The following KCNJ18 variants were observed in gnomAD, a reference collection of about 807,000 sequenced individuals.
The protein encoded by KCNJ18 is inward rectifier potassium channel 18.
Under a neutral mutation model 17.3 loss-of-function variants are expected in KCNJ18, and 16 were observed. The ratio of observed to expected loss-of-function variants is 0.92; its 90% CI spans 0.62 to 1.40. The LOEUF (loss-of-function observed/expected upper bound fraction) is 1.40. Among genes scored for constraint, KCNJ18 ranks in the 40% most tolerant of loss-of-function variants. The probability of loss-of-function intolerance (pLI) is 0.00; values close to 1 mark genes in which losing one functional copy is unlikely to be tolerated. For missense variants in KCNJ18, 462 were observed against 626.8 expected, an observed-to-expected ratio of 0.74 and a Z score of 2.81; for synonymous variants, 185 against 262.6, an observed-to-expected ratio of 0.70 and a Z score of 2.86.
At position 21,696,066 on chromosome 17, in the gene KCNJ18, C is replaced by A. The variant is rs1194433453; in HGVS notation, c.-95C>A. Reference sequence around the variant, plus strand: ...ATTCAGCCTTGAAGACAGTACCGTGCCTACTCAGCACCATTACGTAGAAGA... The same window carrying A: ...ATTCAGCCTTGAAGACAGTACCGTGACTACTCAGCACCATTACGTAGAAGA... On this transcript the variant is annotated 5_prime_UTR_variant, in exon 2 of 3. An upstream open reading frame in the 5' UTR gains an earlier in-frame stop. Transcript: ENST00000567955. 5.9e-5 allele frequency: 9 copies of A among 152,422 alleles called. No individual in the cohort carries two copies. The highest frequency in any genetic ancestry group is 2.2e-4 in the African/African-American group (9 of 41,596). 9.4% of individuals were successfully genotyped at this position (152,422 alleles called of 1,614,324 possible).
chr17:21,700,273 G>T (rs1255218172), intron 2 of KCNJ18, among the ~76,000 whole-genome samples: 1,385 of 109,524 alleles, frequency 0.013, no homozygotes, highest in South Asian at 0.063. Flanking sequence ...GGTGGGGGAC[G>T]GCGCTAGAGG....
chr17:21,699,861 T>C (rs1207706912), intron 2 of KCNJ18, among the ~76,000 whole-genome samples: 1 of 152,288 alleles, frequency 6.6e-6, no homozygotes, highest in African/African-American at 2.4e-5. Context: ...CAGACCGGGC[T>C]CTCTGGCCTT....
chr17:21,701,352 C>G (rs1261793007), intron 2 of KCNJ18, among the ~76,000 whole-genome samples: 1 of 152,424 alleles, frequency 6.6e-6, no homozygotes, highest in South Asian at 2.1e-4. Context: ...CAGGTGACAC[C>G]CCTGAGCACT....
At chr17:21,701,508 G>A (rs1488974684) in intron 2 of KCNJ18, among the ~76,000 whole-genome samples, 3 of 152,158 alleles carry the variant, frequency 2.0e-5, no homozygotes, top group Non-Finnish European at 4.4e-5. Context: ...TGGTGACCAA[G>A]AAGCTGCAAG....
rs1161121103 is a variant in KCNJ18 at position 21,702,797 on chromosome 17, C to T, written c.11C>T (p.Ala4Val). 5.4e-5 allele frequency: 86 copies of T among 1,589,440 alleles called. No homozygotes were observed. Among genetic ancestry groups the T allele is most frequent in the Admixed American group, 1.9e-4 (11 of 58,842 alleles). Residue 4 changes from alanine to valine, a missense_variant, in exon 3 of 3, where the codon GCC becomes GTC. Ala to Val is a moderately conservative substitution (Grantham distance 64, BLOSUM62 0). Coordinates refer to ENST00000567955, the MANE Select transcript of KCNJ18 (RefSeq NM_001194958.2). Reference protein sequence around the residue: MTAASRANPYSIVS... With the variant: MTAVSRANPYSIVS... ...CCCCCAACCCCCGGGATGACCGCGGCCAGCCGGGCCAACCCCTACAGCATC... is the reference window on the plus strand; with the variant it reads ...CCCCCAACCCCCGGGATGACCGCGGTCAGCCGGGCCAACCCCTACAGCATC...
At chr17:21,697,228 C>T (rs1196461536) in intron 2 of KCNJ18, among the ~76,000 whole-genome samples, 2 of 152,306 alleles carry the variant, frequency 1.3e-5, no homozygotes, top group East Asian at 3.8e-4. Context: ...TGGTAAGGGC[C>T]TAGGATATCA....
chr17:21,692,831 G>A (rs1347245940), intron 1 of KCNJ18, 117 bp downstream of exon 1: 25,691 of 139,312 alleles, frequency 0.18, no homozygotes, highest in African/African-American at 0.24. Context: ...CCGCTGGGGC[G>A]AGGCCCAGTG....
chr17:21,701,952 A>G (rs1331966576), intron 2 of KCNJ18, among the ~76,000 whole-genome samples: 13 of 152,228 alleles, frequency 8.5e-5, no homozygotes, highest in Non-Finnish European at 1.8e-4. Context: ...AAAAAAAAGA[A>G]AATGTGCTAC....
chr17:21,698,591 C>G (rs1193193845), intron 2 of KCNJ18, among the ~76,000 whole-genome samples: 5 of 152,058 alleles, frequency 3.3e-5, no homozygotes, highest in African/African-American at 1.2e-4. Context: ...CAGGCCTTGC[C>G]CTGGGCTCCT....
At position 21,699,824 on chromosome 17, in the gene KCNJ18, G is replaced by C. The variant is rs1256390477; in HGVS notation, c.-56-2907G>C. ...ACCAGTCTGGTAGCTGGCCAGTTTCGAGGCCGCCAGCTACTGGGAGCACAT... is the reference window on the plus strand; with the variant it reads ...ACCAGTCTGGTAGCTGGCCAGTTTCCAGGCCGCCAGCTACTGGGAGCACAT... On this transcript the variant is annotated intron_variant, in intron 2 of 2. Transcript: ENST00000567955. Among the ~76,000 whole-genome samples, 66 of 152,408 alleles carry C rather than the reference G, an allele frequency of 4.3e-4. No individual in the cohort carries two copies. The South Asian group carries it at 8.9e-3, about 21-fold the overall frequency.
chr17:21,703,900 G>A lies in KCNJ18; in HGVS notation c.1114G>A (p.Ala372Thr), dbSNP rs1323247798. 4.3e-6 allele frequency: 7 copies of A among 1,612,540 alleles called. No individual in the cohort carries two copies. The African/African-American group carries it at 8.0e-5, about 18-fold the overall frequency. The change falls in exon 3 of 3, where the codon GCC becomes ACC. Residue 372 changes from alanine (A) to threonine (T), a missense_variant. This residue lies in a region of KCNJ18 where 123 missense variants were observed against 117.5 expected (regional missense o/e 1.05). Coordinates refer to ENST00000567955, the MANE Select transcript of KCNJ18 (RefSeq NM_001194958.2). ...AGAGAACAAGTTCCTGCTGCCCAGTGCCAACTCCTTCTGCTATGAGAACGA... is the reference window on the plus strand; with the variant it reads ...AGAGAACAAGTTCCTGCTGCCCAGTACCAACTCCTTCTGCTATGAGAACGA... ...LVENKFLLPS[A>T]NSFCYENELA...
At position 21,703,270 on chromosome 17, in the gene KCNJ18, G is replaced by C; in HGVS notation, c.484G>C (p.Val162Leu). ...TEECLVAVFM[V>L]VAQSIVGCII... is the part of the protein sequence containing the mutation. The stretch of plus-strand genomic sequence containing the variant: ...GGAGTGCCTGGTGGCCGTCTTCATG[G>C]TGGTGGCCCAGTCCATCGTGGGCTG... Residue 162 changes from valine (V) to leucine (L), a missense_variant, in exon 3 of 3, where the codon GTG (valine) becomes CTG (leucine). Coordinates refer to ENST00000567955, the MANE Select transcript of KCNJ18 (RefSeq NM_001194958.2). The C allele has an allele frequency of 6.2e-7, 1 of 1,609,424 alleles. No individual in the cohort carries two copies. The highest frequency in any genetic ancestry group is 8.5e-7 in the Non-Finnish European group (1 of 1,177,694).
rs1212308259 is a variant in KCNJ18, at chr17:21,702,907, A to G, written c.121A>G (p.Arg41Gly). Residue 41 changes from arginine to glycine, a missense_variant, in exon 3 of 3, where the codon AGG (arginine) becomes GGG (glycine). Transcript: ENST00000567955. ...FGNGKVHTRR[R>G]CRNRFVKKNG... ...CAACGGCAAGGTGCACACGCGGCGC[A>G]GGTGCCGCAACCGCTTCGTCAAGAA... is the stretch of plus-strand genomic sequence containing the variant. The G allele has an allele frequency of 6.3e-6, 10 of 1,594,670 alleles. No homozygotes were observed. In the African/African-American group the frequency reaches 1.3e-4, roughly 21 times the overall value.
chr17:21,703,089 C>G lies in KCNJ18; in HGVS notation c.303C>G (p.Ile101Met), dbSNP rs1906024055. The change falls in exon 3 of 3, where the codon ATC (isoleucine) becomes ATG (methionine). Residue 101 changes from isoleucine (I) to methionine (M), a missense_variant. This residue lies in a region of KCNJ18 where 237 missense variants were observed against 259.4 expected (regional missense o/e 0.91). Coordinates refer to ENST00000567955, the MANE Select transcript of KCNJ18 (RefSeq NM_001194958.2). ...CCTCCTGGCTGCTGTTCGGCGTCAT[C>G]TTCTGGGTCATCGCGGTGGCACACG... is the stretch of plus-strand genomic sequence containing the variant. ...FLASWLLFGV[I>M]FWVIAVAHGD... 6.2e-7 allele frequency: 1 copy of G among 1,612,800 alleles called. No homozygotes were observed.
At chr17:21,702,585 G>A (rs1905996672) in intron 2 of KCNJ18, 146 bp from the exon 3 acceptor site, 3 of 734,938 alleles carry the variant, frequency 4.1e-6, no homozygotes, top group Non-Finnish European at 6.6e-6. Context: ...AAGGCGGAGT[G>A]GGGAGCTGGC....
rs1378027213 is a variant in KCNJ18 at position 21,696,522 on chromosome 17, A to G, written c.-57+418A>G. ...TCAGCTGCTTAGTCCTTCACCCTTC[A>G]TCTGGCTGGGATGCATTTCCTGGGT... On this transcript the variant is annotated intron_variant, in intron 2 of 2. Transcript: ENST00000567955. 1.0e-3 allele frequency among the ~76,000 whole-genome samples: 155 copies of G among 152,238 alleles called. 1 individual carries two copies. The highest frequency in any genetic ancestry group is 3.6e-3 in the African/African-American group (149 of 41,546).
chr17:21,703,251 C>A lies in KCNJ18; in HGVS notation c.465C>A (p.Cys155Ter). The A allele has an allele frequency of 6.2e-7, 1 of 1,610,370 alleles. No individual in the cohort carries two copies. ...GYGLRCVTEE[C>*]LVAVFMVVAQ... Reference sequence around the variant, plus strand: ...GGCTGCGCTGTGTGACGGAGGAGTGCCTGGTGGCCGTCTTCATGGTGGTGG... The same window carrying A: ...GGCTGCGCTGTGTGACGGAGGAGTGACTGGTGGCCGTCTTCATGGTGGTGG... Residue 155 changes from cysteine (C) to a stop codon, truncating the protein, a stop_gained, in exon 3 of 3, where the codon TGC becomes TGA. Coordinates refer to ENST00000567955, the MANE Select transcript of KCNJ18 (RefSeq NM_001194958.2). LOFTEE classifies it high-confidence loss of function.
chr17:21,703,980 C>G lies in KCNJ18; in HGVS notation c.1194C>G (p.Gly398=). 1 of 1,601,852 alleles carries G rather than the reference C, an allele frequency of 6.2e-7. No homozygotes were observed. The change falls in exon 3 of 3, where the codon GGC becomes GGG. Residue 398 remains glycine, a synonymous_variant. Transcript: ENST00000567955. ...ATGAGGCGGACGGAGACCAGGACGG[C>G]CGAAGCCGGGATGGCCTCAGCCCCC... The part of the protein sequence containing the change: ...EEDEADGDQD[G]RSRDGLSPQA...
chr17:21,700,018 GC>G (rs1905892959), intron 2 of KCNJ18, among the ~76,000 whole-genome samples: 1 of 152,296 alleles, frequency 6.6e-6, no homozygotes, highest in Non-Finnish European at 1.5e-5. Context: ...GCGTCTGAGT[GC>G]CCCGGCCCTG....
Sources: allele counts gnomAD v4.1 joint callset (sites outside exome capture counted in the v4.1 genomes callset), GRCh38; gene constraint gnomAD v4.1.1; regional missense constraint gnomAD v4.1.1; transcripts MANE v1.5; gene names NCBI Gene and HGNC (gene_info 2026-07-23, HGNC 2026-07-21).